ATP2C2: variants seen among roughly 807,000 people sequenced by gnomAD.
ATP2C2 encodes calcium-transporting ATPase type 2C member 2.
A neutral mutation model predicts 110.8 loss-of-function variants in ATP2C2; 171 were observed. That is an observed-to-expected ratio of 1.54 (90% CI 1.36 to 1.75). The LOEUF (loss-of-function observed/expected upper bound fraction) is 1.75. ATP2C2 is among the 40% of genes most tolerant of loss of function. The pLI is 0.00. For missense variants in ATP2C2, 1,963 were observed against 1,235.0 expected, an observed-to-expected ratio of 1.59 and a Z score of -8.84; for synonymous variants, 804 against 508.4, an observed-to-expected ratio of 1.58 and a Z score of -7.82.
chr16:84,442,013 C>G (rs887129887), intron 14 of ATP2C2, among the ~76,000 whole-genome samples: 1 of 152,134 alleles, frequency 6.6e-6, no homozygotes, highest in African/African-American at 2.4e-5. Flanking sequence ...ATGCGAGTGT[C>G]CAGGCTCACC....
intron 2 of ATP2C2, among the ~76,000 whole-genome samples, chr16:84,402,469 C>G (rs1022477184): frequency 2.0e-5 from 3 of 152,116 alleles, no homozygotes; most frequent in Non-Finnish European, 2.9e-5. Flanking sequence ...TACATTGAGA[C>G]ATGTTCCTTC....
chr16:84,402,446 A>T (rs1014263777), intron 2 of ATP2C2, among the ~76,000 whole-genome samples: 1 of 152,220 alleles, frequency 6.6e-6, no homozygotes, highest in Non-Finnish European at 1.5e-5. Context: ...GGTCTGTCAT[A>T]TATGGCTTTT....
intron 7 of ATP2C2, among the ~76,000 whole-genome samples, chr16:84,416,005 C>G (rs113172416): frequency 0.011 from 1,694 of 152,284 alleles, 28 homozygotes; most frequent in African/African-American, 0.033. Flanking sequence ...TGGTGAAACT[C>G]TCTACTAAAA....
chr16:84,412,533 T>G (rs554114956), intron 6 of ATP2C2, among the ~76,000 whole-genome samples: 1 of 143,014 alleles, frequency 7.0e-6, no homozygotes, highest in South Asian at 2.4e-4. Flanking sequence ...TGTGCATGTG[T>G]CTGTGTGTGT....
At chr16:84,406,715 A>G (rs1462221694) in intron 3 of ATP2C2, 2 of 916,458 alleles carry the variant, frequency 2.2e-6, no homozygotes, top group Admixed American at 6.2e-5. Context: ...GAGGCAGTGG[A>G]GGCTCCCGGA....
chr16:84,385,373 C>T (rs1233512763), intron 1 of ATP2C2, among the ~76,000 whole-genome samples: 2 of 152,162 alleles, frequency 1.3e-5, no homozygotes, highest in East Asian at 3.9e-4. Flanking sequence ...GATGCAGTCA[C>T]CTCCCACCAG....
intron 3 of ATP2C2, 93 bp downstream of exon 3, chr16:84,405,337 C>A: frequency 9.1e-7 from 1 of 1,093,650 alleles, no homozygotes; most frequent in Admixed American, 2.1e-5. Flanking sequence ...GGAAGGCATC[C>A]TTGGACAGCT....
In ATP2C2 at chr16:84,461,783, C is replaced by G; in HGVS notation, c.2551C>G (p.Leu851Val). 1.2e-6 allele frequency: 2 copies of G among 1,614,206 alleles called. No individual in the cohort carries two copies. Among genetic ancestry groups the G allele is most frequent in the Non-Finnish European group, 1.7e-6 (2 of 1,180,010 alleles). The change falls in exon 25 of 27, where the codon CTC becomes GTC. Residue 851 changes from leucine (L) to valine (V), a missense_variant. Physicochemically the swap from Leu to Val is conservative, Grantham distance 32. Coordinates refer to ENST00000262429, the MANE Select transcript of ATP2C2 (RefSeq NM_014861.4). ...GTTCACTTGTTTTGTGTTTTTCGATCTCTTCAACGCCTTGACCTGCCGCTC... is the reference window on the plus strand; with the variant it reads ...GTTCACTTGTTTTGTGTTTTTCGATGTCTTCAACGCCTTGACCTGCCGCTC... ...MTFTCFVFFD[L>V]FNALTCRSQT...
chr16:84,421,906 C>T (rs1041672586), intron 7 of ATP2C2, among the ~76,000 whole-genome samples: 5 of 152,096 alleles, frequency 3.3e-5, no homozygotes, highest in Non-Finnish European at 7.4e-5. Flanking sequence ...ATGTCAGTAT[C>T]TCCCTTCCCT....
At chr16:84,442,627 G>A (rs1909377559) in intron 15 of ATP2C2, 28 bp downstream of exon 15, 1 of 1,606,050 alleles carries the variant, frequency 6.2e-7, no homozygotes, top group Non-Finnish European at 8.5e-7. Context: ...GGCTCTGCGG[G>A]GAATTCTTTC....
chr16:84,412,182 C>G (rs918877906), intron 6 of ATP2C2, among the ~76,000 whole-genome samples: 2 of 152,130 alleles, frequency 1.3e-5, no homozygotes, highest in Non-Finnish European at 2.9e-5. Context: ...CCACACCTGA[C>G]TACTTTTTTG....
At chr16:84,382,875 G>T (rs551736518) in intron 1 of ATP2C2, among the ~76,000 whole-genome samples, 1 of 140,218 alleles carries the variant, frequency 7.1e-6, no homozygotes, top group Non-Finnish European at 1.5e-5. Context: ...CAGCGTGGGC[G>T]ACAGAGCAAG....
In ATP2C2 at chr16:84,428,487, C is replaced by G. The variant is rs570642691; in HGVS notation, c.986+2686C>G. Among the ~76,000 whole-genome samples, 8 of 152,272 alleles carry G rather than the reference C, an allele frequency of 5.3e-5. No homozygotes were observed. The South Asian group carries it at 1.7e-3, about 32-fold the overall frequency. ...GAAATACTGTGTCTGGCTTTGGATA[C>G]TTTGTCACTCAGTGTATTTAACAAA... On this transcript the variant is annotated intron_variant, in intron 11 of 26. Coordinates refer to ENST00000262429, the MANE Select transcript of ATP2C2 (RefSeq NM_014861.4).
At position 84,463,813 on chromosome 16, in the gene ATP2C2, G is replaced by C. The variant is rs1412265521; in HGVS notation, c.*81G>C. ...CCCCTGCCGTGTCTCCTCGTCAGGG[G>C]AGACTTTTAGGAGGCCGCAGCCTTC... On this transcript the variant is annotated 3_prime_UTR_variant, in exon 27 of 27. Coordinates refer to ENST00000262429, the MANE Select transcript of ATP2C2 (RefSeq NM_014861.4). 1 of 1,289,562 alleles carries C rather than the reference G, an allele frequency of 7.8e-7. No homozygotes were observed. Among genetic ancestry groups the C allele is most frequent in the Non-Finnish European group, 1.1e-6 (1 of 893,750 alleles). 79.9% of individuals were successfully genotyped at this position (1,289,562 alleles called of 1,614,324 possible).
At position 84,455,070 on chromosome 16, in the gene ATP2C2, A is replaced by AGAG; in HGVS notation, c.2147+87_2147+88insAGG. 9.2e-6 allele frequency: 11 copies of AGAG among 1,198,578 alleles called. No individual in the cohort carries two copies. In the South Asian group the frequency reaches 1.5e-4, roughly 17 times the overall value. 74.2% of individuals were successfully genotyped at this position (1,198,578 alleles called of 1,614,324 possible). A position where few individuals can be genotyped will look rare whatever the true frequency, so the allele number is the denominator to read the frequency against. On this transcript the variant is annotated intron_variant, in intron 21 of 26. Coordinates refer to ENST00000262429, the MANE Select transcript of ATP2C2 (RefSeq NM_014861.4). ...CTGGAACCTGCTACTGTGGAGATAG[A>AGAG]GGGGGGGGTCTCGCGGAGTCCCCAG...
intron 11 of ATP2C2, among the ~76,000 whole-genome samples, chr16:84,432,326 G>A (rs559980649): frequency 6.6e-6 from 1 of 152,160 alleles, no homozygotes; most frequent in South Asian, 2.1e-4. Flanking sequence ...GTGCAGGTTT[G>A]TTACATAGGT....
Position 84,462,067 on chromosome 16 carries a change from T to C in ATP2C2, c.2660T>C (p.Leu887Pro), listed in dbSNP as rs776926365. ...YSVLGSILGQ[L>P]AVIYIPPLQR... The stretch of plus-strand genomic sequence containing the variant: ...GTCCTGGGGTCCATCCTGGGGCAGC[T>C]GGCGGTCATTTACATCCCCCCGCTG... The change falls in exon 26 of 27, where the codon CTG (leucine) becomes CCG (proline). Residue 887 changes from leucine (L) to proline (P), a missense_variant. Transcript: ENST00000262429. 2 of 1,614,056 alleles carry C rather than the reference T, an allele frequency of 1.2e-6. No individual in the cohort carries two copies.
intron 6 of ATP2C2, among the ~76,000 whole-genome samples, chr16:84,411,746 A>C (rs1906314682): frequency 6.6e-6 from 1 of 152,090 alleles, no homozygotes; most frequent in South Asian, 2.1e-4. Context: ...CCGGCCGACA[A>C]ACTAAATTCT....
rs187226247 is a variant in ATP2C2 at position 84,388,123 on chromosome 16, G to A, written c.100-10376G>A. Among the ~76,000 whole-genome samples the A allele has an allele frequency of 2.7e-3, 406 of 152,138 alleles. 1 individual carries two copies. Among genetic ancestry groups the A allele is most frequent in the African/African-American group, 8.9e-3 (370 of 41,518 alleles). On this transcript the variant is annotated intron_variant, in intron 1 of 26. Transcript: ENST00000262429. ...GAGGTGGGTAGATCACCTGAGGTCA[G>A]GAGACCAGCCTGGCCAAATGGTGAA...
Sources: gnomAD v4.1 joint callset for allele counts (sites outside exome capture counted in the v4.1 genomes callset) on GRCh38, gnomAD v4.1.1 for gene constraint, MANE v1.5 for transcripts, NCBI Gene and HGNC (gene_info 2026-07-23, HGNC 2026-07-21) for gene names.